The following ADGRG6 variants were observed in gnomAD, a reference collection of about 807,000 sequenced individuals.
ADGRG6 encodes G-protein coupled receptor 126.
Under a neutral mutation model 142.4 loss-of-function variants are expected in ADGRG6, and 84 were observed. The observed-to-expected ratio is 0.59, with a 90% confidence interval of 0.49 to 0.71. ADGRG6 has a LOEUF of 0.71. Among genes scored for constraint, ADGRG6 ranks in the 30% least tolerant of loss-of-function variants. ADGRG6 has a pLI of 0.00. For missense variants in ADGRG6, 1,367 were observed against 1,466.6 expected, an observed-to-expected ratio of 0.93 and a Z score of 1.11; for synonymous variants, 521 against 520.5, an observed-to-expected ratio of 1.00 and a Z score of -0.01.
At chr6:142,391,607 A>G (rs1254914834) in intron 7 of ADGRG6, among the ~76,000 whole-genome samples, 1 of 151,836 alleles carries the variant, frequency 6.6e-6, no homozygotes. Flanking sequence ...AAAGTTGGTG[A>G]GAAAGGTGAA....
intron 1 of ADGRG6, among the ~76,000 whole-genome samples, chr6:142,305,470 A>ACACACACACACAC (rs1562296832): frequency 7.4e-6 from 1 of 135,324 alleles, no homozygotes; most frequent in African/African-American, 2.7e-5. Flanking sequence ...ACACACACAC[A>ACACACACACACAC]ATTTTTTTCT....
chr6:142,415,867 T>C lies in ADGRG6; in HGVS notation c.2741T>C (p.Leu914Pro), dbSNP rs1582657380. 2.5e-6 allele frequency: 4 copies of C among 1,612,680 alleles called. No homozygotes were observed. Among genetic ancestry groups the C allele is most frequent in the Non-Finnish European group, 3.4e-6 (4 of 1,178,808 alleles). The change falls in exon 20 of 25, where the codon CTC becomes CCC. Residue 914 changes from leucine to proline, a missense_variant. By Grantham distance (98) the Leu-to-Pro change is moderately conservative. Coordinates refer to ENST00000367609, the MANE Select transcript of ADGRG6 (RefSeq NM_198569.3). ...LSTALLFLNL[L>P]FLLDGWITSF... ...ACAGCCCTGCTGTTCCTGAATCTCCTCTTCCTCCTAGATGGCTGGATCACC... is the reference window on the plus strand; with the variant it reads ...ACAGCCCTGCTGTTCCTGAATCTCCCCTTCCTCCTAGATGGCTGGATCACC...
chr6:142,392,536 AT>A, intron 7 of ADGRG6, among the ~76,000 whole-genome samples: 2 of 152,140 alleles, frequency 1.3e-5, no homozygotes, highest in East Asian at 3.9e-4. Flanking sequence ...TAGAGAAGAT[AT>A]TTATTGCAAA....
rs892007926 is a variant in ADGRG6 at position 142,338,027 on chromosome 6, T to TTTTTTTTTTTTTTTTTTTTTTTTTTG, written c.103+28394_103+28395insTTTTTTTTTTTTTTGTTTTTTTTTTT. Among the ~76,000 whole-genome samples the TTTTTTTTTTTTTTTTTTTTTTTTTTG allele has an allele frequency of 1.2e-3, 67 of 58,018 alleles. 2 individuals are homozygous for TTTTTTTTTTTTTTTTTTTTTTTTTTG. Among genetic ancestry groups the TTTTTTTTTTTTTTTTTTTTTTTTTTG allele is most frequent in the Non-Finnish European group, 1.4e-3 (41 of 29,194 alleles). 38.1% of individuals were successfully genotyped at this position (58,018 alleles called of 152,430 possible). A position where few individuals can be genotyped will look rare whatever the true frequency, so the allele number is the denominator to read the frequency against. On this transcript the variant is annotated intron_variant, in intron 2 of 24. Coordinates refer to ENST00000367609, the MANE Select transcript of ADGRG6 (RefSeq NM_198569.3). ...ATGCCTTGTATCTTTGTTTTTTTTTTTTTTTTTTTTTGAGACGGAGTCTCG... is the reference window on the plus strand; with the variant it reads ...ATGCCTTGTATCTTTGTTTTTTTTTTTTTTTTTTTTTTTTTTTTTTTTTTTGTTTTTTTTTTTGAGACGGAGTCTCG...
At chr6:142,407,178 A>AG (rs1380246146) in intron 15 of ADGRG6, among the ~76,000 whole-genome samples, 1 of 151,094 alleles carries the variant, frequency 6.6e-6, no homozygotes, top group Non-Finnish European at 1.5e-5. Flanking sequence ...TTTAAAAAAA[A>AG]AAAAAAAAAA....
chr6:142,344,115 T>G (rs1336691409), intron 2 of ADGRG6, among the ~76,000 whole-genome samples: 1 of 151,700 alleles, frequency 6.6e-6, no homozygotes, highest in Non-Finnish European at 1.5e-5. Context: ...TAATACATGA[T>G]TTATTATTCT....
At chr6:142,373,790 C>T (rs1583054586) in intron 4 of ADGRG6, among the ~76,000 whole-genome samples, 3 of 152,070 alleles carry the variant, frequency 2.0e-5, no homozygotes, top group South Asian at 4.1e-4. Flanking sequence ...GTGATCCTCC[C>T]TCCTCAGCCT....
At chr6:142,305,429 TACACACACACACAC>T (rs5880531) in intron 1 of ADGRG6, among the ~76,000 whole-genome samples, 89 of 120,862 alleles carry the variant, frequency 7.4e-4, no homozygotes, top group East Asian at 2.4e-3. Flanking sequence ...GCCCCTCCTG[TACACACACACACAC>T]ACACACACAC....
At chr6:142,350,560 G>A (rs1255682740) in intron 2 of ADGRG6, among the ~76,000 whole-genome samples, 1 of 152,180 alleles carries the variant, frequency 6.6e-6, no homozygotes. Context: ...CTTTCCTAAA[G>A]AAATCCATTT....
intron 3 of ADGRG6, among the ~76,000 whole-genome samples, chr6:142,369,140 T>C (rs929114128): frequency 2.2e-4 from 33 of 152,342 alleles, no homozygotes; most frequent in African/African-American, 7.5e-4. Flanking sequence ...CTGTTTTTCA[T>C]ATGAAACCAG....
chr6:142,398,212 GC>G (rs760100434), intron 10 of ADGRG6, among the ~76,000 whole-genome samples: 3 of 152,156 alleles, frequency 2.0e-5, no homozygotes, highest in Non-Finnish European at 4.4e-5. Context: ...AATAACTTGA[GC>G]CCAGGAATTC....
At chr6:142,370,053 C>T in intron 3 of ADGRG6, 117 bp from the exon 4 acceptor site, 1 of 729,550 alleles carries the variant, frequency 1.4e-6, no homozygotes, top group Non-Finnish European at 2.2e-6. Flanking sequence ...AGGGATGGGG[C>T]AAATGGTAGG....
At chr6:142,430,652 A>G (rs943322603) in intron 22 of ADGRG6, among the ~76,000 whole-genome samples, 6 of 152,240 alleles carry the variant, frequency 3.9e-5, no homozygotes, top group Non-Finnish European at 7.3e-5. Context: ...AACAAGACCA[A>G]GGTTAAACAC....
intron 22 of ADGRG6, among the ~76,000 whole-genome samples, chr6:142,430,799 A>AT (rs949713800): frequency 6.6e-5 from 10 of 152,110 alleles, no homozygotes; most frequent in African/African-American, 2.4e-4. Flanking sequence ...ACTACTTGAG[A>AT]TTTTTCAGAA....
intron 2 of ADGRG6, among the ~76,000 whole-genome samples, chr6:142,367,143 A>G (rs1037193484): frequency 6.6e-6 from 1 of 152,124 alleles, no homozygotes; most frequent in Non-Finnish European, 1.5e-5. Flanking sequence ...TTATGGTTCT[A>G]TAACCCCCGC....
chr6:142,315,052 T>G (rs939645854), intron 2 of ADGRG6, among the ~76,000 whole-genome samples: 1 of 151,966 alleles, frequency 6.6e-6, no homozygotes. Context: ...TTGTTTTACC[T>G]GTAAAGTTTC....
chr6:142,383,270 T>A (rs1003174796), intron 5 of ADGRG6, among the ~76,000 whole-genome samples: 1 of 152,214 alleles, frequency 6.6e-6, no homozygotes, highest in Non-Finnish European at 1.5e-5. Flanking sequence ...TGTCTTTTTC[T>A]TTACATTCAT....
At chr6:142,316,566 A>ATACACACT (rs1778083968) in intron 2 of ADGRG6, among the ~76,000 whole-genome samples, 1 of 152,192 alleles carries the variant, frequency 6.6e-6, no homozygotes, top group Non-Finnish European at 1.5e-5. Context: ...TTATACACAC[A>ATACACACT]GTTCCTTTCT....
At chr6:142,343,182 A>G (rs1441645672) in intron 2 of ADGRG6, among the ~76,000 whole-genome samples, 2 of 151,714 alleles carry the variant, frequency 1.3e-5, no homozygotes, top group Non-Finnish European at 3.0e-5. Flanking sequence ...TTTTTGTTTA[A>G]TAATTTTCAT....
Sources: allele counts gnomAD v4.1 joint callset (sites outside exome capture counted in the v4.1 genomes callset), GRCh38; gene constraint gnomAD v4.1.1; transcripts MANE v1.5; gene names NCBI Gene and HGNC (gene_info 2026-07-23, HGNC 2026-07-21).